DIP2C: variants seen among roughly 807,000 people sequenced by gnomAD.
The protein encoded by DIP2C is DIP2 acetate--CoA ligase C (putative).
DIP2C carries 33 observed loss-of-function variants against 192.4 expected under a neutral mutation model. The ratio of observed to expected loss-of-function variants is 0.17; its 90% confidence interval spans 0.13 to 0.23. DIP2C has a LOEUF of 0.23. DIP2C is among the 10% of genes least tolerant of loss of function. DIP2C has a pLI of 1.00. For synonymous variants in DIP2C, 979 were observed against 864.1 expected (o/e 1.13, Z -2.33); for missense variants, 1,537 against 2,110.1 (o/e 0.73, Z 5.32).
At chr10:313,467 A>G (rs564688334) in intron 31 of DIP2C, among the ~76,000 whole-genome samples, 1 of 105,070 alleles carries the variant, frequency 9.5e-6, no homozygotes, top group South Asian at 4.2e-4. Context: ...TTGAATCCCA[A>G]ATATTCGAAA....
At chr10:551,637 G>T (rs538076376) in intron 1 of DIP2C, among the ~76,000 whole-genome samples, 1 of 152,342 alleles carries the variant, frequency 6.6e-6, no homozygotes, top group Non-Finnish European at 1.5e-5. Context: ...TCAGCCCCGA[G>T]TGTGAACAGT....
chr10:396,264 T>C (rs1963977072), intron 10 of DIP2C, among the ~76,000 whole-genome samples: 1 of 152,228 alleles, frequency 6.6e-6, no homozygotes, highest in African/African-American at 2.4e-5. Context: ...CACCTTGGTA[T>C]TTGGAGCTAT....
rs536240968 is a variant in DIP2C at position 499,749 on chromosome 10, C to T, written c.86-13219G>A. On this transcript the variant is annotated intron_variant, in intron 1 of 36. Coordinates refer to ENST00000280886, the MANE Select transcript of DIP2C (RefSeq NM_014974.3). ...TGGCATGTGGGGGTTATGGAAATTA[C>T]AATTCGAGATGAGATTTGGGTGGGG... 2.4e-3 allele frequency among the ~76,000 whole-genome samples: 364 copies of T among 152,302 alleles called. 1 individual carries two copies. Among genetic ancestry groups the T allele is most frequent in the South Asian group, 7.7e-3 (37 of 4,826 alleles).
intron 1 of DIP2C, among the ~76,000 whole-genome samples, chr10:640,679 GTGCGCGCGGGGAAGAGGC>G (rs1564295005): frequency 9.9e-5 from 14 of 141,610 alleles, no homozygotes; most frequent in Admixed American, 7.4e-4. Flanking sequence ...GGGGATGAGG[GTGCGCGCGGGGAAGAGGC>G]TGCGCGCGGG....
intron 1 of DIP2C, among the ~76,000 whole-genome samples, chr10:676,470 TTGTC>T (rs1359820338): frequency 6.6e-6 from 1 of 151,778 alleles, no homozygotes; most frequent in Non-Finnish European, 1.5e-5. Context: ...GGAGCTCTAA[TTGTC>T]TGTTTTCAGA....
chr10:335,285 G>A (rs1957706478), intron 29 of DIP2C, among the ~76,000 whole-genome samples: 3 of 152,128 alleles, frequency 2.0e-5, no homozygotes, highest in Admixed American at 1.3e-4. Flanking sequence ...CTCTCTCCTT[G>A]GATTATCTAA....
rs1428157967 is a variant in DIP2C, at chr10:378,847, ATAGACACATGTGAACAGACATGCC to A, written c.1991+3776_1991+3799del. On this transcript the variant is annotated intron_variant, in intron 17 of 36. Transcript: ENST00000280886. ...CATGCACAGATGTGAACAGACATGC[ATAGACACATGTGAACAGACATGCC>A]TAGACACACGTGAACACAGACATGC... 6.2e-4 allele frequency among the ~76,000 whole-genome samples: 94 copies of A among 152,300 alleles called. 1 individual carries two copies. In the East Asian group the frequency reaches 0.013, roughly 21 times the overall value.
intron 1 of DIP2C, among the ~76,000 whole-genome samples, chr10:576,211 T>C (rs999052353): frequency 3.3e-5 from 5 of 152,232 alleles, no homozygotes; most frequent in Admixed American, 3.3e-4. Context: ...GGGGTTCTCC[T>C]GGGACTCCCA....
chr10:578,019 A>G (rs1043316802), intron 1 of DIP2C, among the ~76,000 whole-genome samples: 8 of 152,168 alleles, frequency 5.3e-5, no homozygotes, highest in Admixed American at 1.3e-4. Context: ...CTAAGTACTA[A>G]TTTTAAAAAT....
At chr10:422,133 A>G (rs1231979880) in intron 5 of DIP2C, among the ~76,000 whole-genome samples, 2 of 152,218 alleles carry the variant, frequency 1.3e-5, no homozygotes, top group African/African-American at 2.4e-5. Flanking sequence ...CGTGGTAAGC[A>G]GTCGTCTCCG....
At chr10:382,942 C>T (rs924324497) in intron 16 of DIP2C, among the ~76,000 whole-genome samples, 181 bp from the exon 17 acceptor site, 1 of 152,198 alleles carries the variant, frequency 6.6e-6, no homozygotes, top group Non-Finnish European at 1.5e-5. Flanking sequence ...TCAAACAGAA[C>T]TCAAGAATTT....
At chr10:519,526 T>C (rs1345477065) in intron 1 of DIP2C, among the ~76,000 whole-genome samples, 2 of 151,736 alleles carry the variant, frequency 1.3e-5, no homozygotes, top group Non-Finnish European at 2.9e-5. Context: ...TCCATCCTGG[T>C]GGGAAATCAG....
chr10:587,433 C>T (rs1288269156), intron 1 of DIP2C, among the ~76,000 whole-genome samples: 1 of 152,176 alleles, frequency 6.6e-6, no homozygotes, highest in South Asian at 2.1e-4. Context: ...ACGTGGGAGG[C>T]CACACTGCCA....
Position 548,203 on chromosome 10 carries a change from G to GCCCCCC in DIP2C, c.86-61674_86-61673insGGGGGG, listed in dbSNP as rs1259544852. On this transcript the variant is annotated intron_variant, in intron 1 of 36. Coordinates refer to ENST00000280886, the MANE Select transcript of DIP2C (RefSeq NM_014974.3). Reference sequence around the variant, plus strand: ...TTTTCAGTCCAATTCACACGAGTCTGCCCCACCCCCCCCCCCACAGGAAAG... The same window carrying GCCCCCC: ...TTTTCAGTCCAATTCACACGAGTCTGCCCCCCCCCCACCCCCCCCCCCACAGGAAAG... Among the ~76,000 whole-genome samples, 198 of 50,664 alleles carry GCCCCCC rather than the reference G, an allele frequency of 3.9e-3. 2 individuals carry two copies. The Middle Eastern group carries it at 0.06, about 15-fold the overall frequency. 33.2% of individuals were successfully genotyped at this position (50,664 alleles called of 152,430 possible).
chr10:623,696 G>A lies in DIP2C; in HGVS notation c.85+65798C>T, dbSNP rs60341063. On this transcript the variant is annotated intron_variant, in intron 1 of 36. Coordinates refer to ENST00000280886, the MANE Select transcript of DIP2C (RefSeq NM_014974.3). ...AGGCTGAAGGGAGGAGGGGAGGGAC[G>A]CAGGGCCGAGGGCTGAGGGGAGGAG... Among the ~76,000 whole-genome samples the A allele has an allele frequency of 5.5e-3, 660 of 119,172 alleles. 10 individuals carry two copies. The highest frequency in any genetic ancestry group is 0.021 in the African/African-American group (582 of 28,390). 78.2% of individuals were successfully genotyped at this position (119,172 alleles called of 152,430 possible).
At chr10:487,005 A>G (rs774650180) in intron 1 of DIP2C, among the ~76,000 whole-genome samples, 1 of 152,244 alleles carries the variant, frequency 6.6e-6, no homozygotes, top group Non-Finnish European at 1.5e-5. Context: ...GTGTTTTTGA[A>G]AAAGGAGTGA....
At chr10:515,775 G>A (rs1033828249) in intron 1 of DIP2C, among the ~76,000 whole-genome samples, 2 of 151,812 alleles carry the variant, frequency 1.3e-5, no homozygotes, top group Admixed American at 6.6e-5. Context: ...TATGAGCACC[G>A]CCCCCACCCA....
chr10:283,296 T>C lies in DIP2C; in HGVS notation c.4270A>G (p.Thr1424Ala), dbSNP rs1429230674. 1 of 1,613,816 alleles carries C rather than the reference T, an allele frequency of 6.2e-7. No homozygotes were observed. Among genetic ancestry groups the C allele is most frequent in the African/African-American group, 1.3e-5 (1 of 74,900 alleles). The change falls in exon 35 of 37, where the codon ACT becomes GCT. Residue 1424 changes from threonine (T) to alanine (A), a missense_variant. By Grantham distance (58) the Thr-to-Ala change is moderately conservative (BLOSUM62 0). Transcript: ENST00000280886. ...CCTCCATTTGCATCTGTGAGCTCAGTTCTCCGCAGGAACCCCAAGTAGCCT... is the reference window on the plus strand; with the variant it reads ...CCTCCATTTGCATCTGTGAGCTCAGCTCTCCGCAGGAACCCCAAGTAGCCT... ...RTGYLGFLRR[T>A]ELTDANGERH... is the part of the protein sequence containing the mutation.
At chr10:551,192 C>G (rs2130946207) in intron 1 of DIP2C, among the ~76,000 whole-genome samples, 1 of 152,356 alleles carries the variant, frequency 6.6e-6, no homozygotes, top group African/African-American at 2.4e-5. Flanking sequence ...CAGGTCTCGG[C>G]TCTGCTGACA....
Sources: gnomAD v4.1 joint callset for allele counts (sites outside exome capture counted in the v4.1 genomes callset) on GRCh38, gnomAD v4.1.1 for gene constraint, MANE v1.5 for transcripts, NCBI Gene and HGNC (gene_info 2026-07-23, HGNC 2026-07-21) for gene names.